Variants in APBA1 observed in about 807,000 individuals in gnomAD.
APBA1 encodes amyloid-beta A4 precursor protein-binding family A member 1.
Under a neutral mutation model 86.6 loss-of-function variants are expected in APBA1, and 55 were observed. The ratio of observed to expected loss-of-function variants is 0.64; its 90% confidence interval spans 0.51 to 0.80. The LOEUF is 0.80. APBA1 is among the 30% of genes least tolerant of loss of function. The probability of loss-of-function intolerance (pLI) is 0.00; values close to 1 mark genes in which losing one functional copy is unlikely to be tolerated. For synonymous variants in APBA1, 511 were observed against 493.9 expected (o/e 1.03, Z -0.46); for missense variants, 1,090 against 1,183.0 (o/e 0.92, Z 1.15).
chr9:69,533,231 A>G (rs1454763413), intron 1 of APBA1, among the ~76,000 whole-genome samples: 1 of 152,222 alleles, frequency 6.6e-6, no homozygotes, highest in African/African-American at 2.4e-5. Flanking sequence ...TAAGAAATTA[A>G]TAACAGTGGC....
intron 5 of APBA1, among the ~76,000 whole-genome samples, chr9:69,466,439 G>A (rs1835281377): frequency 1.3e-5 from 2 of 152,220 alleles, no homozygotes; most frequent in Admixed American, 1.3e-4. Context: ...TCTTGGAATT[G>A]TTGGTCACTT....
Position 69,489,635 on chromosome 9 carries a change from G to C in APBA1, c.1201-13492C>G, listed in dbSNP as rs527507691. On this transcript the variant is annotated intron_variant, in intron 2 of 12. Transcript: ENST00000265381. Reference sequence around the variant, plus strand: ...ACTCAAACAAATTTACAAGAAAAAAGCAAACAACCCCATCAAAAAGTGGGC... The same window carrying C: ...ACTCAAACAAATTTACAAGAAAAAACCAAACAACCCCATCAAAAAGTGGGC... 6.4e-3 allele frequency among the ~76,000 whole-genome samples: 974 copies of C among 152,000 alleles called. 29 individuals carry two copies. The highest frequency in any genetic ancestry group is 0.046 in the Admixed American group (709 of 15,282).
chr9:69,560,648 C>T (rs1312531178), intron 1 of APBA1, among the ~76,000 whole-genome samples: 7 of 152,142 alleles, frequency 4.6e-5, no homozygotes, highest in Non-Finnish European at 1.0e-4. Context: ...TTCATATGGG[C>T]TGAGAACCCT....
chr9:69,583,954 T>C (rs1339839075), intron 1 of APBA1, among the ~76,000 whole-genome samples: 2 of 152,218 alleles, frequency 1.3e-5, no homozygotes, highest in Non-Finnish European at 2.9e-5. Flanking sequence ...CTTAGCACAG[T>C]GTCCAGCACA....
chr9:69,519,842 G>T (rs1259120571), intron 1 of APBA1, among the ~76,000 whole-genome samples: 2 of 152,170 alleles, frequency 1.3e-5, no homozygotes, highest in Non-Finnish European at 2.9e-5. Context: ...TCGGTGAATG[G>T]TGCCCTCTTA....
intron 1 of APBA1, among the ~76,000 whole-genome samples, chr9:69,540,584 A>G (rs1836589641): frequency 2.0e-5 from 3 of 152,044 alleles, no homozygotes; most frequent in Non-Finnish European, 4.4e-5. Flanking sequence ...GCTTAGGTAC[A>G]TTTGACTATT....
intron 1 of APBA1, among the ~76,000 whole-genome samples, chr9:69,658,371 T>C (rs1303572924): frequency 1.3e-5 from 2 of 149,440 alleles, no homozygotes; most frequent in Admixed American, 1.3e-4. Context: ...TGTTTCTCTG[T>C]CTCTCTTTCT....
chr9:69,476,187 C>T (rs377659402), intron 2 of APBA1, 44 bp from the exon 3 acceptor site: 41 of 1,456,358 alleles, frequency 2.8e-5, no homozygotes, highest in African/African-American at 1.8e-4. Flanking sequence ...TTGAGAGACT[C>T]GGCAGACACT....
intron 1 of APBA1, among the ~76,000 whole-genome samples, chr9:69,637,196 T>C (rs573869047): frequency 3.6e-4 from 54 of 150,956 alleles, no homozygotes; most frequent in Middle Eastern, 3.4e-3. Flanking sequence ...AGATAGAGAA[T>C]AGAATGAAAG....
In APBA1 at chr9:69,431,314, C is replaced by T. The variant is rs377202023; in HGVS notation, c.*13G>A. 59 of 1,589,400 alleles carry T rather than the reference C, an allele frequency of 3.7e-5. No individual in the cohort carries two copies. The highest frequency in any genetic ancestry group is 1.6e-4 in the African/African-American group (12 of 73,836). On this transcript the variant is annotated 3_prime_UTR_variant, in exon 13 of 13. Coordinates refer to ENST00000265381, the MANE Select transcript of APBA1 (RefSeq NM_001163.4). ...GGAGAGTCCTCCATGCATGCCACCG[C>T]GTGTGGCCGCGGTCAGATGTAAACA...
Position 69,600,768 on chromosome 9 carries a change from C to T in APBA1, c.-70+71385G>A, listed in dbSNP as rs531230431. Among the ~76,000 whole-genome samples the T allele has an allele frequency of 6.0e-5, 9 of 149,104 alleles. No homozygotes were observed. The East Asian group carries it at 1.2e-3, about 20-fold the overall frequency. On this transcript the variant is annotated intron_variant, in intron 1 of 12. Coordinates refer to ENST00000265381, the MANE Select transcript of APBA1 (RefSeq NM_001163.4). ...GAGCCAAGATGTGTCACTGCACTCCCGCCTGGGCAACAGAGAAGACTTCGT... is the reference window on the plus strand; with the variant it reads ...GAGCCAAGATGTGTCACTGCACTCCTGCCTGGGCAACAGAGAAGACTTCGT...
intron 1 of APBA1, among the ~76,000 whole-genome samples, chr9:69,558,814 A>G (rs1008474347): frequency 1.3e-5 from 2 of 152,038 alleles, no homozygotes; most frequent in African/African-American, 4.8e-5. Flanking sequence ...CCCAATTACA[A>G]GTGGCAACAT....
chr9:69,504,289 A>C (rs1002214200), intron 2 of APBA1, among the ~76,000 whole-genome samples: 7 of 151,874 alleles, frequency 4.6e-5, no homozygotes, highest in African/African-American at 1.7e-4. Flanking sequence ...GTCTTTCATA[A>C]TTTCCCCTTC....
intron 1 of APBA1, among the ~76,000 whole-genome samples, chr9:69,627,030 C>T (rs1822947234): frequency 1.3e-5 from 2 of 152,120 alleles, no homozygotes; most frequent in Admixed American, 6.6e-5. Context: ...TATTCAAAAA[C>T]CTCATACAAT....
At chr9:69,671,366 C>A (rs996574068) in intron 1 of APBA1, among the ~76,000 whole-genome samples, 1 of 152,166 alleles carries the variant, frequency 6.6e-6, no homozygotes, top group Non-Finnish European at 1.5e-5. Context: ...TAACGGTTAT[C>A]CTATTTCCCT....
chr9:69,524,837 C>A (rs1196113882), intron 1 of APBA1, among the ~76,000 whole-genome samples: 3 of 152,072 alleles, frequency 2.0e-5, no homozygotes, highest in African/African-American at 4.8e-5. Flanking sequence ...AATCCTCAAC[C>A]AAATACCAGC....
At chr9:69,506,017 T>TA (rs558113759) in intron 2 of APBA1, among the ~76,000 whole-genome samples, 3 of 139,792 alleles carry the variant, frequency 2.1e-5, no homozygotes, top group African/African-American at 5.3e-5. Flanking sequence ...AGACTCCATC[T>TA]AAAAAAAAAG....
chr9:69,447,363 C>A (rs1034682653), intron 10 of APBA1, among the ~76,000 whole-genome samples: 3 of 152,212 alleles, frequency 2.0e-5, no homozygotes, highest in Admixed American at 2.0e-4. Context: ...TCATCGATTT[C>A]TCTCTCTTGC....
At chr9:69,612,509 A>G (rs372832227) in intron 1 of APBA1, among the ~76,000 whole-genome samples, 3 of 152,138 alleles carry the variant, frequency 2.0e-5, no homozygotes, top group Admixed American at 2.0e-4. Flanking sequence ...TACAAAGACT[A>G]AATATATTGG....
Sources: gnomAD v4.1 joint callset for allele counts (sites outside exome capture counted in the v4.1 genomes callset) on GRCh38, gnomAD v4.1.1 for gene constraint, MANE v1.5 for transcripts, NCBI Gene and HGNC (gene_info 2026-07-23, HGNC 2026-07-21) for gene names.